Variants in RTKN2 observed in about 807,000 individuals in gnomAD.
RTKN2 encodes rhotekin 2, also known as rhotekin-2.
A neutral mutation model predicts 71.5 loss-of-function variants in RTKN2; 69 were observed. The ratio of observed to expected loss-of-function variants is 0.96; its 90% CI spans 0.79 to 1.18. The LOEUF (loss-of-function observed/expected upper bound fraction) is 1.18. RTKN2 is among the 50% of genes most tolerant of loss of function. The pLI is 0.00. For synonymous variants in RTKN2, 236 were observed against 236.5 expected (o/e 1.00, Z 0.02); for missense variants, 724 against 719.7 (o/e 1.01, Z -0.07).
chr10:62,195,420 CTT>C lies in RTKN2; in HGVS notation c.*2486_*2487del. ...AAACAAACAATTCTTTTGAAACACT[CTT>C]TGACACAGTGCTTAACTATTTTTAG... On this transcript the variant is annotated 3_prime_UTR_variant, in exon 12 of 12. Coordinates refer to ENST00000373789, the MANE Select transcript of RTKN2 (RefSeq NM_145307.4). The C allele has an allele frequency of 1.0e-6, 1 of 982,426 alleles. No individual in the cohort carries two copies. Among genetic ancestry groups the C allele is most frequent in the Non-Finnish European group, 1.2e-6 (1 of 827,408 alleles). The allele number at this position is 982,426 out of a possible 1,614,324, so 60.9% of individuals were successfully genotyped here. A position where few individuals can be genotyped will look rare whatever the true frequency, so the allele number is the denominator to read the frequency against.
In RTKN2 at chr10:62,196,132, T is replaced by C. The variant is rs1841326509; in HGVS notation, c.*1776A>G. 1.0e-6 allele frequency: 1 copy of C among 983,612 alleles called. No homozygotes were observed. Among genetic ancestry groups the C allele is most frequent in the Non-Finnish European group, 1.2e-6 (1 of 828,388 alleles). 60.9% of individuals were successfully genotyped at this position (983,612 alleles called of 1,614,324 possible). A position where few individuals can be genotyped will look rare whatever the true frequency, so the allele number is the denominator to read the frequency against. On this transcript the variant is annotated 3_prime_UTR_variant, in exon 12 of 12. Coordinates refer to ENST00000373789, the MANE Select transcript of RTKN2 (RefSeq NM_145307.4). ...CTCAATAATTTAGTGGCAATGACAG[T>C]CACAAATGCTGTCAAAAACAGCAAT...
intron 9 of RTKN2, among the ~76,000 whole-genome samples, chr10:62,215,968 T>C (rs557024006): frequency 6.6e-6 from 1 of 152,128 alleles, no homozygotes; most frequent in South Asian, 2.1e-4. Flanking sequence ...TATTATGTCC[T>C]TGATTTGTCA....
intron 10 of RTKN2, among the ~76,000 whole-genome samples, chr10:62,202,650 G>A (rs377292155): frequency 5.9e-5 from 9 of 152,182 alleles, no homozygotes; most frequent in East Asian, 3.9e-4. Flanking sequence ...AACCAGACCC[G>A]AGAACCAAGT....
chr10:62,227,514 GGAGGCA>G (rs1051969070), intron 6 of RTKN2, among the ~76,000 whole-genome samples: 9 of 152,146 alleles, frequency 5.9e-5, no homozygotes, highest in Non-Finnish European at 1.3e-4. Flanking sequence ...GTATAGTGAG[GGAGGCA>G]GAGTGATTTG....
intron 10 of RTKN2, among the ~76,000 whole-genome samples, chr10:62,200,161 T>C (rs1841410581): frequency 6.6e-6 from 1 of 151,846 alleles, no homozygotes; most frequent in African/African-American, 2.4e-5. Context: ...GTCAGGAGTC[T>C]TGACCAGCCT....
chr10:62,250,920 T>C (rs1046496555), intron 2 of RTKN2, among the ~76,000 whole-genome samples: 2 of 152,212 alleles, frequency 1.3e-5, no homozygotes, highest in Non-Finnish European at 2.9e-5. Context: ...CATGAGCCAC[T>C]GTGCCTGGCC....
intron 2 of RTKN2, among the ~76,000 whole-genome samples, chr10:62,254,101 T>C (rs1002704145): frequency 1.3e-5 from 2 of 152,164 alleles, no homozygotes; most frequent in Non-Finnish European, 2.9e-5. Flanking sequence ...CAAATAAGTC[T>C]GTTTATGATT....
chr10:62,268,364 G>C (rs1408451562), intron 1 of RTKN2, among the ~76,000 whole-genome samples, 187 bp downstream of exon 1: 2 of 152,248 alleles, frequency 1.3e-5, no homozygotes, highest in African/African-American at 4.8e-5. Flanking sequence ...AGAAACTCGG[G>C]GGTTCCGATG....
At chr10:62,243,586 G>A (rs1484969850) in intron 3 of RTKN2, among the ~76,000 whole-genome samples, 3 of 152,162 alleles carry the variant, frequency 2.0e-5, no homozygotes, top group African/African-American at 7.2e-5. Flanking sequence ...GAGGAGGGTA[G>A]ATATCAGCTC....
At chr10:62,184,231 T>C in exon 9 of RTKN2, 2 of 819,874 alleles carry the variant, frequency 2.4e-6, no homozygotes, top group African/African-American at 1.7e-5. Flanking sequence ...AGACGCGTTG[T>C]CTTTTCCCTC....
rs1023077576 is a variant in RTKN2 at position 62,197,566 on chromosome 10, C to T, written c.*342G>A. The T allele has an allele frequency of 2.0e-6, 2 of 1,024,316 alleles. No homozygotes were observed. Among genetic ancestry groups the T allele is most frequent in the Admixed American group, 5.3e-5 (1 of 18,978 alleles). The allele number at this position is 1,024,316 out of a possible 1,614,324, so 63.5% of individuals were successfully genotyped here. On this transcript the variant is annotated 3_prime_UTR_variant, in exon 12 of 12. Transcript: ENST00000373789. ...TTCATATTTAACACATTTTAAATTA[C>T]TAGACAGTCTCTCCCCAAAAGAAAT...
chr10:62,264,538 C>G (rs1031946498), intron 1 of RTKN2, among the ~76,000 whole-genome samples: 2 of 152,166 alleles, frequency 1.3e-5, no homozygotes, highest in South Asian at 4.1e-4. Context: ...ACCCATATGT[C>G]TATAGAAATA....
In RTKN2 at chr10:62,261,703, G is replaced by C. The variant is rs564995216; in HGVS notation, c.257+922C>G. ...ATCCCATGGCAATATAGCTAATAAG[G>C]TTGGCTACTTTGTATCCAGGTCTCT... On this transcript the variant is annotated intron_variant, in intron 2 of 11. Transcript: ENST00000373789. Among the ~76,000 whole-genome samples, 3 of 152,122 alleles carry C rather than the reference G, an allele frequency of 2.0e-5. No individual in the cohort carries two copies. In the East Asian group the frequency reaches 5.8e-4, roughly 29 times the overall value.
At chr10:62,226,075 C>A (rs181240591) in intron 6 of RTKN2, among the ~76,000 whole-genome samples, 2 of 152,272 alleles carry the variant, frequency 1.3e-5, no homozygotes, top group African/African-American at 4.8e-5. Flanking sequence ...AGCCACTGCG[C>A]CCGGCAACAA....
chr10:62,232,307 C>A (rs930776970), intron 6 of RTKN2, among the ~76,000 whole-genome samples: 1 of 127,714 alleles, frequency 7.8e-6, no homozygotes. Context: ...AATATAATTT[C>A]TTTCTTTCTT....
rs1020484484 is a variant in RTKN2 at position 62,256,089 on chromosome 10, G to A, written c.257+6536C>T. On this transcript the variant is annotated intron_variant, in intron 2 of 11. Coordinates refer to ENST00000373789, the MANE Select transcript of RTKN2 (RefSeq NM_145307.4). ...GCTGGAGTGCAGTGGCATGATTGTCGCTCACTGCAATCTCAAGCTTCTGGA... is the reference window on the plus strand; with the variant it reads ...GCTGGAGTGCAGTGGCATGATTGTCACTCACTGCAATCTCAAGCTTCTGGA... Among the ~76,000 whole-genome samples, 4 of 150,384 alleles carry A rather than the reference G, an allele frequency of 2.7e-5. No individual in the cohort carries two copies. The East Asian group carries it at 5.9e-4, about 22-fold the overall frequency.
chr10:62,218,182 A>G lies in RTKN2; in HGVS notation c.888+13T>C. 2 of 1,543,776 alleles carry G rather than the reference A, an allele frequency of 1.3e-6. No individual in the cohort carries two copies. The highest frequency in any genetic ancestry group is 2.7e-5 in the African/African-American group (2 of 73,674). The stretch of plus-strand genomic sequence containing the variant: ...GAGCTACAATTGTTGTAGGATATTT[A>G]AAGTCCTCTAACCTGCTGATTAAGA... On this transcript the variant is annotated intron_variant, in intron 8 of 11. Coordinates refer to ENST00000373789, the MANE Select transcript of RTKN2 (RefSeq NM_145307.4).
intron 6 of RTKN2, among the ~76,000 whole-genome samples, chr10:62,225,512 T>C (rs1001430183): frequency 6.6e-6 from 1 of 152,240 alleles, no homozygotes; most frequent in Non-Finnish European, 1.5e-5. Flanking sequence ...TCCTTACCAC[T>C]TTAGCATCCA....
At chr10:62,228,998 C>T (rs1017982516) in intron 6 of RTKN2, among the ~76,000 whole-genome samples, 4 of 152,106 alleles carry the variant, frequency 2.6e-5, no homozygotes, top group Non-Finnish European at 5.9e-5. Flanking sequence ...TAGAATTGCT[C>T]GGTCATACTG....
Sources: allele counts gnomAD v4.1 joint callset (sites outside exome capture counted in the v4.1 genomes callset), GRCh38; gene constraint gnomAD v4.1.1; transcripts MANE v1.5; gene names NCBI Gene and HGNC (gene_info 2026-07-23, HGNC 2026-07-21).